The following PDS5B variants were observed in gnomAD, a reference collection of about 807,000 sequenced individuals.
PDS5B encodes sister chromatid cohesion protein PDS5 homolog B.
PDS5B carries 51 observed loss-of-function variants against 184.1 expected under a neutral mutation model. The ratio of observed to expected loss-of-function variants is 0.28; its 90% confidence interval spans 0.22 to 0.35. PDS5B has a LOEUF of 0.35. Among genes scored for constraint, PDS5B ranks in the 10% least tolerant of loss-of-function variants. PDS5B has a pLI of 1.00. For synonymous variants in PDS5B, 566 were observed against 569.2 expected, an observed-to-expected ratio of 0.99 and a Z score of 0.08; for missense variants, 1,180 against 1,723.3, an observed-to-expected ratio of 0.68 and a Z score of 5.58.
At chr13:32,724,161 G>T (rs1487774727) in intron 19 of PDS5B, among the ~76,000 whole-genome samples, 1 of 152,180 alleles carries the variant, frequency 6.6e-6, no homozygotes, top group Non-Finnish European at 1.5e-5. Flanking sequence ...CTGTTGCCCA[G>T]ACTGGAGTGC....
At chr13:32,771,791 A>G (rs1430125281) in intron 33 of PDS5B, among the ~76,000 whole-genome samples, 2 of 152,266 alleles carry the variant, frequency 1.3e-5, no homozygotes, top group South Asian at 2.1e-4. Flanking sequence ...TATTTAATAA[A>G]ATACACATGA....
chr13:32,602,110 T>C (rs1365987473), intron 1 of PDS5B, among the ~76,000 whole-genome samples: 3 of 152,182 alleles, frequency 2.0e-5, no homozygotes, highest in African/African-American at 7.2e-5. Flanking sequence ...TTTAAAATTA[T>C]ACTTTAAGTG....
chr13:32,684,032 G>C lies in PDS5B; in HGVS notation c.1203+9G>C. On this transcript the variant is annotated intron_variant, in intron 11 of 34. Coordinates refer to ENST00000315596, the MANE Select transcript of PDS5B (RefSeq NM_015032.4). ...GAACATTAGACAAACGAGTAAGTAT[G>C]AATAAATAATTATTACTAAGTTTTC... The C allele has an allele frequency of 7.2e-7, 1 of 1,381,024 alleles. No homozygotes were observed. Among genetic ancestry groups the C allele is most frequent in the South Asian group, 1.4e-5 (1 of 69,128 alleles). 85.5% of individuals were successfully genotyped at this position (1,381,024 alleles called of 1,614,324 possible). A position where few individuals can be genotyped will look rare whatever the true frequency, so the allele number is the denominator to read the frequency against.
chr13:32,648,959 C>T (rs1352793783), intron 2 of PDS5B, 79 bp downstream of exon 2: 1 of 753,876 alleles, frequency 1.3e-6, no homozygotes. Flanking sequence ...TATAATGTAT[C>T]TTGTTGGGGT....
intron 17 of PDS5B, 97 bp downstream of exon 17, chr13:32,701,535 AT>A: frequency 1.5e-6 from 1 of 686,482 alleles, no homozygotes; most frequent in Non-Finnish European, 2.6e-6. Flanking sequence ...CTAGCTACAC[AT>A]CTGTGTGTAT....
chr13:32,657,950 A>G (rs918573667), intron 3 of PDS5B, among the ~76,000 whole-genome samples: 1 of 152,196 alleles, frequency 6.6e-6, no homozygotes, highest in African/African-American at 2.4e-5. Context: ...AATTTTAGCT[A>G]TCTCACTTTT....
At chr13:32,645,232 C>G (rs1950187898) in intron 1 of PDS5B, among the ~76,000 whole-genome samples, 1 of 152,204 alleles carries the variant, frequency 6.6e-6, no homozygotes, top group South Asian at 2.1e-4. Flanking sequence ...GTCTTACTGC[C>G]TCAGCCTTCC....
chr13:32,666,954 CAT>C (rs1206134058), intron 6 of PDS5B, among the ~76,000 whole-genome samples: 1 of 151,682 alleles, frequency 6.6e-6, no homozygotes. Flanking sequence ...TTGTACAAGA[CAT>C]ATAATTTAAT....
intron 10 of PDS5B, 76 bp downstream of exon 10, chr13:32,679,005 A>G (rs896283332): frequency 1.1e-5 from 8 of 738,954 alleles, no homozygotes; most frequent in Non-Finnish European, 1.6e-5. Flanking sequence ...GGGGGAAAAA[A>G]AACCCCTTTT....
chr13:32,624,936 G>A (rs2058349000), intron 1 of PDS5B, among the ~76,000 whole-genome samples: 1 of 152,086 alleles, frequency 6.6e-6, no homozygotes, highest in Non-Finnish European at 1.5e-5. Flanking sequence ...GGTGAGTGTG[G>A]AAATGAAGGT....
intron 29 of PDS5B, 57 bp from the exon 30 acceptor site, chr13:32,760,518 A>G (rs1954348611): frequency 3.3e-6 from 5 of 1,530,816 alleles, no homozygotes; most frequent in Non-Finnish European, 4.5e-6. Flanking sequence ...GGTTCTTTAC[A>G]CGTAACTTTC....
At chr13:32,652,065 C>T (rs1950378038) in intron 3 of PDS5B, 58 bp downstream of exon 3, 6 of 1,163,894 alleles carry the variant, frequency 5.2e-6, no homozygotes, top group Non-Finnish European at 7.8e-6. Flanking sequence ...ATCTTTCTAA[C>T]TAAAATGGGA....
intron 26 of PDS5B, among the ~76,000 whole-genome samples, chr13:32,757,728 C>T (rs1484096541): frequency 6.6e-6 from 1 of 152,164 alleles, no homozygotes; most frequent in Non-Finnish European, 1.5e-5. Context: ...TATCTGAGGC[C>T]TCACTTGATC....
At chr13:32,761,330 G>GT (rs1263180174) in intron 30 of PDS5B, among the ~76,000 whole-genome samples, 2 of 151,978 alleles carry the variant, frequency 1.3e-5, no homozygotes, top group African/African-American at 2.4e-5. Context: ...TTAAAAGTGT[G>GT]TTTTTGCTTT....
chr13:32,773,084 G>T, intron 33 of PDS5B, 105 bp from the exon 34 acceptor site: 1 of 883,598 alleles, frequency 1.1e-6, no homozygotes, highest in Non-Finnish European at 1.7e-6. Flanking sequence ...AAGTAACTGA[G>T]GGTAAAGATG....
intron 5 of PDS5B, 93 bp downstream of exon 5, chr13:32,658,624 A>G: frequency 1.6e-6 from 1 of 622,644 alleles, no homozygotes; most frequent in South Asian, 2.2e-5. Context: ...AATGAATATT[A>G]GAAGGCTGAG....
At position 32,741,072 on chromosome 13, in the gene PDS5B, A is replaced by ATTTTT; in HGVS notation, c.2407-7_2407-3dup. On this transcript the variant is annotated splice_region_variant and splice_polypyrimidine_tract_variant and intron_variant, in intron 21 of 34. Transcript: ENST00000315596. ...CCTGGTTTTTTTTTTTTTCTCGTTT[A>ATTTTT]TTTTTAGCTTCCAGGGAAAAAGACA... The ATTTTT allele has an allele frequency of 8.6e-7, 1 of 1,165,376 alleles. No homozygotes were observed. The highest frequency in any genetic ancestry group is 1.2e-6 in the Non-Finnish European group (1 of 865,120). The allele number at this position is 1,165,376 out of a possible 1,614,324, so 72.2% of individuals were successfully genotyped here.
intron 12 of PDS5B, 118 bp downstream of exon 12, chr13:32,687,403 G>A (rs947811566): frequency 1.2e-5 from 9 of 721,764 alleles, no homozygotes; most frequent in Non-Finnish European, 1.7e-5. Context: ...TTTAGTGCAA[G>A]GTAATGGTAG....
At chr13:32,675,710 G>A in intron 8 of PDS5B, 134 bp from the exon 9 acceptor site, 1 of 542,448 alleles carries the variant, frequency 1.8e-6, no homozygotes. Context: ...GCATTTTTAT[G>A]TAATTTTTCA....
Sources: gnomAD v4.1 joint callset for allele counts (sites outside exome capture counted in the v4.1 genomes callset) on GRCh38, gnomAD v4.1.1 for gene constraint, MANE v1.5 for transcripts, NCBI Gene and HGNC (gene_info 2026-07-23, HGNC 2026-07-21) for gene names.